SLC12A5: variants seen among roughly 807,000 people sequenced by gnomAD.
SLC12A5 encodes the protein solute carrier family 12 member 5.
A neutral mutation model predicts 124.0 loss-of-function variants in SLC12A5; 18 were observed. The ratio of observed to expected loss-of-function variants is 0.15; its 90% CI spans 0.10 to 0.22. The LOEUF (loss-of-function observed/expected upper bound fraction) is 0.22, where lower values mean the gene tolerates loss of function less well. Among genes scored for constraint, SLC12A5 ranks in the 10% least tolerant of loss-of-function variants. The probability of loss-of-function intolerance (pLI) is 1.00; values close to 1 mark genes in which losing one functional copy is unlikely to be tolerated. For synonymous variants in SLC12A5, 589 were observed against 568.0 expected (o/e 1.04, Z -0.53); for missense variants, 867 against 1,478.7 (o/e 0.59, Z 6.78).
Position 46,029,219 on chromosome 20 carries a change from C to A in SLC12A5, c.-126C>A. The A allele has an allele frequency of 6.9e-7, 1 of 1,444,612 alleles. No individual in the cohort carries two copies. Among genetic ancestry groups the A allele is most frequent in the Non-Finnish European group, 9.1e-7 (1 of 1,098,024 alleles). The allele number at this position is 1,444,612 out of a possible 1,614,324, so 89.5% of individuals were successfully genotyped here. On this transcript the variant is annotated 5_prime_UTR_variant, in exon 1 of 26. Coordinates refer to ENST00000243964, the MANE Select transcript of SLC12A5 (RefSeq NM_020708.5). ...GTGTGCGCCGGGCGGGCGGGCACTG[C>A]AGCTTCTTCCTCCGTGGAGCGGAGA...
chr20:46,056,292 TG>T lies in SLC12A5; in HGVS notation c.2910+22del. The T allele has an allele frequency of 6.2e-7, 1 of 1,613,978 alleles. No individual in the cohort carries two copies. The highest frequency in any genetic ancestry group is 8.5e-7 in the Non-Finnish European group (1 of 1,179,892). On this transcript the variant is annotated intron_variant, in intron 22 of 25. Transcript: ENST00000243964. This position sits in a 1 kb window ranked among gnomAD's most constrained non-coding sequence, Gnocchi z 4.3. ...GAGGAGGTGTGCAGCTTGGGTGGTT[TG>T]GCCCCAACCAGTGGGAGCAGAGCCC...
intron 17 of SLC12A5, among the ~76,000 whole-genome samples, chr20:46,050,578 A>T (rs2084638348): frequency 6.6e-6 from 1 of 152,176 alleles, no homozygotes; most frequent in Non-Finnish European, 1.5e-5. Context: ...ATGGCTTGCG[A>T]CAGTCGCTGC....
chr20:46,035,547 G>A lies in SLC12A5; in HGVS notation c.279+12G>A, dbSNP rs373707676. 25 of 1,610,570 alleles carry A rather than the reference G, an allele frequency of 1.6e-5. No individual in the cohort carries two copies. The highest frequency in any genetic ancestry group is 8.0e-5 in the African/African-American group (6 of 74,564). On this transcript the variant is annotated intron_variant, in intron 3 of 25. Coordinates refer to ENST00000243964, the MANE Select transcript of SLC12A5 (RefSeq NM_020708.5). ...AGAAGCCGGTGCAGGTGAGGACCTC[G>A]GGGGATGAGAAATGGAAGAAAAGGG...
In SLC12A5 at chr20:46,040,777, A is replaced by G. The variant is rs533243515; in HGVS notation, c.854+163A>G. On this transcript the variant is annotated intron_variant, in intron 7 of 25. Coordinates refer to ENST00000243964, the MANE Select transcript of SLC12A5 (RefSeq NM_020708.5). ...GAAAATCTCTCTTAGTTTGGGGGCA[A>G]TCTCTTCAGAGTGAGGTAACTTTTC... 1.0e-4 allele frequency: 118 copies of G among 1,139,768 alleles called. No homozygotes were observed. The African/African-American group carries it at 1.2e-3, about 12-fold the overall frequency. 70.6% of individuals were successfully genotyped at this position (1,139,768 alleles called of 1,614,324 possible).
rs919140878 is a variant in SLC12A5 at position 46,036,868 on chromosome 20, G to A, written c.481+73G>A. The A allele has an allele frequency of 4.5e-6, 7 of 1,554,106 alleles. No individual in the cohort carries two copies. In the Admixed American group the frequency reaches 1.2e-4, roughly 26 times the overall value. ...AGGGATAGTGCCCTGGGCTTTGGGG[G>A]ACATCAAGGCCCAAGAGAGATAATA... is the stretch of plus-strand genomic sequence containing the variant. On this transcript the variant is annotated intron_variant, in intron 5 of 25. Transcript: ENST00000243964.
chr20:46,029,893 C>T (rs11906568), intron 1 of SLC12A5, among the ~76,000 whole-genome samples: 2,530 of 76,802 alleles, frequency 0.033, 22 homozygotes, highest in South Asian at 0.066. Context: ...TGTGTGTGCG[C>T]GCGCGTGCGT....
At chr20:46,040,775 C>A (rs1568861302) in intron 7 of SLC12A5, 161 bp downstream of exon 7, 1 of 1,150,016 alleles carries the variant, frequency 8.7e-7, no homozygotes, top group South Asian at 1.6e-5. Context: ...AGTTTGGGGG[C>A]AATCTCTTCA....
chr20:46,047,660 T>G (rs1600600772), intron 15 of SLC12A5, 87 bp downstream of exon 15: 14 of 1,438,026 alleles, frequency 9.7e-6, no homozygotes, highest in Middle Eastern at 1.8e-4. Flanking sequence ...GGGATTGGGG[T>G]GGTGGGGGTG....
chr20:46,028,567 T>G (rs369296168), upstream of SLC12A5, among the ~76,000 whole-genome samples: 19 of 152,294 alleles, frequency 1.2e-4, no homozygotes, highest in East Asian at 3.9e-4. Context: ...ATTGGGTCAG[T>G]CAGCCCAGTG....
intron 5 of SLC12A5, 127 bp from the exon 6 acceptor site, chr20:46,037,128 G>C: frequency 1.5e-6 from 2 of 1,376,928 alleles, no homozygotes; most frequent in South Asian, 2.9e-5. Context: ...CCCCTTTCTA[G>C]GGCTGCAGCC....
At chr20:46,044,870 G>A (rs2145493465) in intron 11 of SLC12A5, 96 bp from the exon 12 acceptor site, 3 of 1,385,900 alleles carry the variant, frequency 2.2e-6, no homozygotes, top group East Asian at 4.6e-5. Context: ...TAGTCCTGTG[G>A]CAGGCACACA....
intron 15 of SLC12A5, 89 bp downstream of exon 15, chr20:46,047,662 G>C: frequency 6.6e-7 from 1 of 1,508,856 alleles, no homozygotes; most frequent in Non-Finnish European, 9.0e-7. Context: ...GATTGGGGTG[G>C]TGGGGGTGAG....
intron 3 of SLC12A5, 52 bp downstream of exon 3, chr20:46,035,587 G>A: frequency 6.6e-7 from 1 of 1,524,026 alleles, no homozygotes; most frequent in African/African-American, 1.4e-5. Flanking sequence ...ATGGGGGGTG[G>A]GGGAGGATGG....
chr20:46,024,141 C>CTGTGTGTGTG (rs3222615), downstream of SLC12A5, among the ~76,000 whole-genome samples: 1,376 of 147,726 alleles, frequency 9.3e-3, 12 homozygotes, highest in Admixed American at 0.017. Context: ...GTGGCAGAGG[C>CTGTGTGTGTG]TGTGTGTGTG....
rs1128536 is a variant in SLC12A5, at chr20:46,059,360, A to G, written c.*1755A>G. On this transcript the variant is annotated 3_prime_UTR_variant, in exon 26 of 26. Coordinates refer to ENST00000243964, the MANE Select transcript of SLC12A5 (RefSeq NM_020708.5). ...GTAGGTTTGGAGGTCTGCCAGTTACACCAAGTCCCCTCTGAGATTCGATCA... is the reference window on the plus strand; with the variant it reads ...GTAGGTTTGGAGGTCTGCCAGTTACGCCAAGTCCCCTCTGAGATTCGATCA... 0.64 allele frequency: 247,831 copies of G among 385,534 alleles called. 82,936 individuals are homozygous for G. The highest frequency in any genetic ancestry group is 0.71 in the Non-Finnish European group (155,767 of 218,510). The allele number at this position is 385,534 out of a possible 1,614,324, so 23.9% of individuals were successfully genotyped here.
At chr20:46,043,114 T>C in intron 8 of SLC12A5, 39 bp from the exon 9 acceptor site, 1 of 1,605,630 alleles carries the variant, frequency 6.2e-7, no homozygotes, top group Non-Finnish European at 8.5e-7. Context: ...CTGGTCCCCT[T>C]ATGGCTGGCC....
At chr20:46,040,329 G>A in intron 6 of SLC12A5, 44 bp from the exon 7 acceptor site, 1 of 1,607,090 alleles carries the variant, frequency 6.2e-7, no homozygotes, top group South Asian at 1.1e-5. Context: ...TAGTGCAAAG[G>A]GCTGCTGACT....
At position 46,045,265 on chromosome 20, in the gene SLC12A5, C is replaced by G. The variant is rs2084584777; in HGVS notation, c.1569+125C>G. On this transcript the variant is annotated intron_variant, in intron 12 of 25. Coordinates refer to ENST00000243964, the MANE Select transcript of SLC12A5 (RefSeq NM_020708.5). The surrounding 1 kb of genome is among the most constrained non-coding windows in gnomAD (Gnocchi z 4.9). ...CCTCCTGGGCCACTTCTGCTCTGTA[C>G]TGCACTGGCCAGGCCTATCTGGCAG... 1 of 1,149,702 alleles carries G rather than the reference C, an allele frequency of 8.7e-7. No homozygotes were observed. Among genetic ancestry groups the G allele is most frequent in the Non-Finnish European group, 1.2e-6 (1 of 841,252 alleles). 71.2% of individuals were successfully genotyped at this position (1,149,702 alleles called of 1,614,324 possible).
chr20:46,028,997 A>C, upstream of SLC12A5: 1 of 479,036 alleles, frequency 2.1e-6, no homozygotes. Context: ...CATCCCACCC[A>C]CGCAATCCCC....
Sources: allele counts gnomAD v4.1 joint callset (sites outside exome capture counted in the v4.1 genomes callset), GRCh38; gene constraint gnomAD v4.1.1; non-coding constraint Gnocchi (gnomAD v3.1); transcripts MANE v1.5; gene names NCBI Gene and HGNC (gene_info 2026-07-23, HGNC 2026-07-21).